PAN3: variants seen among roughly 807,000 people sequenced by gnomAD.
The protein encoded by PAN3 is poly(A) specific ribonuclease subunit PAN3, also known as PAN2-PAN3 deadenylation complex subunit PAN3.
Under a neutral mutation model 96.2 loss-of-function variants are expected in PAN3, and 19 were observed. The ratio of observed to expected loss-of-function variants is 0.20; its 90% CI spans 0.14 to 0.29. PAN3 has a LOEUF of 0.29. PAN3 is among the 10% of genes least tolerant of loss of function. PAN3 has a pLI of 1.00. For synonymous variants in PAN3, 433 were observed against 406.6 expected, an observed-to-expected ratio of 1.06 and a Z score of -0.78; for missense variants, 882 against 1,108.1, an observed-to-expected ratio of 0.80 and a Z score of 2.90.
rs531374470 is a variant in PAN3, at chr13:28,257,505, G to T, written c.1248+966G>T. The stretch of plus-strand genomic sequence containing the variant: ...GCACAGCAGGAGGTGAGCAGTGGGC[G>T]AGTAAGTGAAGTTTCATCCGTATTT... On this transcript the variant is annotated intron_variant, in intron 7 of 18. Transcript: ENST00000380958. Among the ~76,000 whole-genome samples, 96 of 151,170 alleles carry T rather than the reference G, an allele frequency of 6.4e-4. No homozygotes were observed. In the South Asian group the frequency reaches 6.7e-3, roughly 11 times the overall value.
chr13:28,246,288 A>T (rs991652055), intron 6 of PAN3, among the ~76,000 whole-genome samples: 1 of 152,044 alleles, frequency 6.6e-6, no homozygotes, highest in African/African-American at 2.4e-5. Flanking sequence ...TTATATTCTT[A>T]TTCATACTAG....
intron 6 of PAN3, among the ~76,000 whole-genome samples, chr13:28,227,392 T>TAGGG (rs1882113531): frequency 6.6e-6 from 1 of 151,968 alleles, no homozygotes; most frequent in Admixed American, 6.6e-5. Context: ...AATTAGGGGG[T>TAGGG]AGGGGCTGGA....
intron 1 of PAN3, among the ~76,000 whole-genome samples, chr13:28,165,186 G>A (rs1024905062): frequency 5.3e-5 from 8 of 152,078 alleles, no homozygotes; most frequent in African/African-American, 1.4e-4. Context: ...GATTACAGGC[G>A]TGAGCTAATG....
intron 6 of PAN3, among the ~76,000 whole-genome samples, chr13:28,235,682 T>TACACACAC (rs143752644): frequency 2.6e-4 from 32 of 123,508 alleles, no homozygotes; most frequent in African/African-American, 6.3e-4. Flanking sequence ...TTCTCTAATA[T>TACACACAC]ACACACACAC....
At chr13:28,217,203 G>A (rs1301838134) in intron 5 of PAN3, among the ~76,000 whole-genome samples, 2 of 152,110 alleles carry the variant, frequency 1.3e-5, no homozygotes, top group African/African-American at 2.4e-5. Context: ...GAAGGTAGCA[G>A]TAGGGATCAT....
chr13:28,211,442 T>G (rs1566190884), intron 5 of PAN3, among the ~76,000 whole-genome samples: 1 of 152,186 alleles, frequency 6.6e-6, no homozygotes, highest in Non-Finnish European at 1.5e-5. Context: ...AAAGGACAGT[T>G]AGTTGAACTG....
chr13:28,280,598 G>C, intron 16 of PAN3, 57 bp downstream of exon 16: 1 of 1,315,464 alleles, frequency 7.6e-7, no homozygotes, highest in Non-Finnish European at 9.7e-7. Context: ...GTCTTGCTTT[G>C]TCACCCAGGC....
chr13:28,185,538 T>TGA, intron 4 of PAN3, among the ~76,000 whole-genome samples: 1 of 152,176 alleles, frequency 6.6e-6, no homozygotes, highest in Non-Finnish European at 1.5e-5. Flanking sequence ...TCCAAATTCA[T>TGA]GATTGTAGGA....
Position 28,288,066 on chromosome 13 carries a change from A to T in PAN3, c.2467A>T (p.Thr823Ser). 1.2e-6 allele frequency: 2 copies of T among 1,613,698 alleles called. No individual in the cohort carries two copies. Among genetic ancestry groups the T allele is most frequent in the Non-Finnish European group, 1.7e-6 (2 of 1,179,718 alleles). The change falls in exon 18 of 19, where the codon ACA becomes TCA. Residue 823 changes from threonine (T) to serine (S), a missense_variant. Physicochemically the swap from Thr to Ser is moderately conservative, Grantham distance 58 (BLOSUM62 1). This residue lies in a region of PAN3 where 76 missense variants were observed against 171.7 expected (regional missense o/e 0.44). Coordinates refer to ENST00000380958, the MANE Select transcript of PAN3 (RefSeq NM_175854.8). ...TAGGGATCATCTTTTTCATCAGGTG[A>T]CAGAAGCAGGTGCTCCCTGGATTGA... Reference protein sequence around the residue: ...LFRDHLFHQVTEAGAPWIDLS... With the variant: ...LFRDHLFHQVSEAGAPWIDLS...
chr13:28,201,201 A>ATT (rs751544386), intron 5 of PAN3, among the ~76,000 whole-genome samples: 6 of 133,990 alleles, frequency 4.5e-5, no homozygotes, highest in African/African-American at 5.5e-5. Flanking sequence ...CACCCACCTA[A>ATT]TTTTTTTTTT....
intron 17 of PAN3, among the ~76,000 whole-genome samples, chr13:28,281,794 C>G (rs975332427): frequency 3.7e-5 from 5 of 136,076 alleles, no homozygotes; most frequent in Admixed American, 3.2e-4. Flanking sequence ...TTTCTTGAGA[C>G]GGAGTCTCCC....
At chr13:28,236,744 T>C (rs1883146824) in intron 6 of PAN3, among the ~76,000 whole-genome samples, 1 of 152,226 alleles carries the variant, frequency 6.6e-6, no homozygotes, top group Non-Finnish European at 1.5e-5. Context: ...ATCTCAGGCA[T>C]GGTTCCAAGC....
chr13:28,278,336 G>C (rs1887217408), intron 15 of PAN3, among the ~76,000 whole-genome samples: 1 of 152,150 alleles, frequency 6.6e-6, no homozygotes, highest in Admixed American at 6.5e-5. Flanking sequence ...TTTATCTTCT[G>C]AATAAAAATA....
At chr13:28,164,027 A>G in intron 1 of PAN3, among the ~76,000 whole-genome samples, 1 of 152,162 alleles carries the variant, frequency 6.6e-6, no homozygotes, top group East Asian at 1.9e-4. Context: ...TGGGAGGCAG[A>G]GATTGCAGTG....
chr13:28,276,079 T>C (rs1310021390), intron 14 of PAN3, among the ~76,000 whole-genome samples: 1 of 152,146 alleles, frequency 6.6e-6, no homozygotes, highest in Non-Finnish European at 1.5e-5. Context: ...AAACCAGTGG[T>C]TCTCAATCCT....
intron 1 of PAN3, among the ~76,000 whole-genome samples, chr13:28,171,886 TC>T (rs1379982786): frequency 6.6e-6 from 1 of 152,082 alleles, no homozygotes; most frequent in Non-Finnish European, 1.5e-5. Context: ...GGTGAACGGC[TC>T]CCATCTAGGT....
At position 28,153,259 on chromosome 13, in the gene PAN3, C is replaced by T. The variant is rs577921915; in HGVS notation, c.430+14172C>T. Among the ~76,000 whole-genome samples the T allele has an allele frequency of 1.2e-3, 133 of 108,912 alleles. 1 individual carries two copies. Among genetic ancestry groups the T allele is most frequent in the African/African-American group, 4.3e-3 (108 of 25,346 alleles). 71.5% of individuals were successfully genotyped at this position (108,912 alleles called of 152,430 possible). ...TTTTTTTTTTTTTTTTTTTTTGAGA[C>T]CGAGTCTCGCTCTGTTGCCAGCCTG... On this transcript the variant is annotated intron_variant, in intron 1 of 18. Transcript: ENST00000380958.
At chr13:28,161,757 T>C (rs1417391703) in intron 1 of PAN3, among the ~76,000 whole-genome samples, 1 of 152,166 alleles carries the variant, frequency 6.6e-6, no homozygotes, top group Non-Finnish European at 1.5e-5. Context: ...GGAAGCACAG[T>C]GTTTATAGTC....
intron 14 of PAN3, 194 bp downstream of exon 14, chr13:28,272,265 C>G: frequency 2.5e-6 from 1 of 400,052 alleles, no homozygotes; most frequent in Non-Finnish European, 4.4e-6. Context: ...CTATTTCTTT[C>G]TCTCTCTTTT....
Sources: allele counts gnomAD v4.1 joint callset (sites outside exome capture counted in the v4.1 genomes callset), GRCh38; gene constraint gnomAD v4.1.1; regional missense constraint gnomAD v4.1.1; transcripts MANE v1.5; gene names NCBI Gene and HGNC (gene_info 2026-07-23, HGNC 2026-07-21).